PRKN: variants seen among roughly 807,000 people sequenced by gnomAD.
PRKN encodes the protein parkin RBR E3 ubiquitin protein ligase.
A neutral mutation model predicts 59.5 loss-of-function variants in PRKN; 56 were observed. The ratio of observed to expected loss-of-function variants is 0.94; its 90% CI spans 0.76 to 1.18. The LOEUF (loss-of-function observed/expected upper bound fraction) is 1.18, where lower values mean the gene tolerates loss of function less well. Ranked by LOEUF, PRKN falls within the 50% of genes most tolerant of loss-of-function variation. PRKN has a pLI of 0.00. For synonymous variants in PRKN, 250 were observed against 222.1 expected (o/e 1.13, Z -1.12); for missense variants, 657 against 596.4 (o/e 1.10, Z -1.06).
chr6:162,658,147 T>C, intron 1 of PRKN, among the ~76,000 whole-genome samples: 1 of 152,166 alleles, frequency 6.6e-6, no homozygotes, highest in East Asian at 1.9e-4. Flanking sequence ...ATTGCATTGG[T>C]GCCACAGTTT....
At chr6:162,521,295 G>T (rs536925665) in intron 1 of PRKN, among the ~76,000 whole-genome samples, 1 of 152,260 alleles carries the variant, frequency 6.6e-6, no homozygotes, top group East Asian at 1.9e-4. Flanking sequence ...GTAAAGAACT[G>T]CCAACATGAG....
Position 161,459,496 on chromosome 6 carries a change from A to G in PRKN, c.1084-72619T>C, listed in dbSNP as rs1790111926. On this transcript the variant is annotated intron_variant, in intron 9 of 11. Transcript: ENST00000366898. The surrounding 1 kb of genome is among the most constrained non-coding windows in gnomAD (Gnocchi z 4.8). ...GAGTGCAGGGACCTGGTTCTGAGCA[A>G]AGTAGTGGGAAGGATGGAATTCCCT... Among the ~76,000 whole-genome samples the G allele has an allele frequency of 6.6e-6, 1 of 152,148 alleles. No individual in the cohort carries two copies. Among genetic ancestry groups the G allele is most frequent in the African/African-American group, 2.4e-5 (1 of 41,426 alleles).
At chr6:162,380,218 TA>T (rs1786355020) in intron 2 of PRKN, among the ~76,000 whole-genome samples, 2 of 151,896 alleles carry the variant, frequency 1.3e-5, no homozygotes, top group Admixed American at 1.3e-4. Context: ...TTAGGGCAAG[TA>T]AATTTGAAAT....
intron 4 of PRKN, among the ~76,000 whole-genome samples, chr6:162,104,806 T>C (rs920383829): frequency 2.0e-5 from 3 of 152,176 alleles, no homozygotes; most frequent in African/African-American, 7.2e-5. Flanking sequence ...AAGAAAGAGA[T>C]ATTTTTAAAG....
chr6:162,557,812 T>G (rs903286214), intron 1 of PRKN, among the ~76,000 whole-genome samples: 1 of 152,084 alleles, frequency 6.6e-6, no homozygotes, highest in Non-Finnish European at 1.5e-5. Flanking sequence ...GCTCGGCGGA[T>G]GGTGCTGTTA....
intron 9 of PRKN, among the ~76,000 whole-genome samples, chr6:161,505,201 T>C (rs1348776329): frequency 1.3e-5 from 2 of 152,226 alleles, no homozygotes; most frequent in Non-Finnish European, 2.9e-5. Flanking sequence ...TTCCTGACTT[T>C]TTAATGATCG....
At chr6:161,678,710 G>A (rs888459998) in intron 7 of PRKN, among the ~76,000 whole-genome samples, 1 of 151,636 alleles carries the variant, frequency 6.6e-6, no homozygotes, top group Non-Finnish European at 1.5e-5. Flanking sequence ...GGTTACAGGT[G>A]TGCACCACCA....
chr6:161,961,624 C>G (rs1780381865), intron 6 of PRKN, among the ~76,000 whole-genome samples: 1 of 152,164 alleles, frequency 6.6e-6, no homozygotes, highest in Non-Finnish European at 1.5e-5. Context: ...TCCGTCACAC[C>G]TTCACCTGCT....
chr6:162,492,910 G>A (rs906278798), intron 1 of PRKN, among the ~76,000 whole-genome samples: 6 of 142,552 alleles, frequency 4.2e-5, no homozygotes, highest in African/African-American at 7.9e-5. Context: ...CTGAGATCCC[G>A]CCACTGCACT....
At chr6:161,762,749 A>T (rs569636745) in intron 7 of PRKN, among the ~76,000 whole-genome samples, 1 of 152,236 alleles carries the variant, frequency 6.6e-6, no homozygotes, top group Admixed American at 6.5e-5. Flanking sequence ...TAAGTTTTAT[A>T]CTGTTATATT....
At chr6:162,678,409 C>T (rs1779635515) in intron 1 of PRKN, among the ~76,000 whole-genome samples, 1 of 152,194 alleles carries the variant, frequency 6.6e-6, no homozygotes, top group African/African-American at 2.4e-5. Context: ...CTCCATTTTC[C>T]ATTCCCATCT....
intron 1 of PRKN, among the ~76,000 whole-genome samples, chr6:162,645,576 T>C (rs1332389380): frequency 6.6e-6 from 1 of 152,178 alleles, no homozygotes; most frequent in Non-Finnish European, 1.5e-5. Flanking sequence ...GGCATAGTTG[T>C]TTAGCTGTAT....
intron 6 of PRKN, among the ~76,000 whole-genome samples, chr6:161,835,240 A>T (rs1010566890): frequency 1.3e-5 from 2 of 152,154 alleles, no homozygotes; most frequent in Admixed American, 6.5e-5. Flanking sequence ...AACCCACAGG[A>T]TGGGATGCTG....
At chr6:161,677,326 G>A (rs144836845) in intron 7 of PRKN, among the ~76,000 whole-genome samples, 172 of 152,294 alleles carry the variant, frequency 1.1e-3, no homozygotes, top group African/African-American at 3.6e-3. Context: ...GTGGCATTGC[G>A]AGAGATGCAG....
chr6:162,678,364 A>T lies in PRKN; in HGVS notation c.7+49298T>A, dbSNP rs113177195. Among the ~76,000 whole-genome samples, 785 of 152,314 alleles carry T rather than the reference A, an allele frequency of 5.2e-3. 7 individuals carry two copies. Among genetic ancestry groups the T allele is most frequent in the African/African-American group, 0.017 (717 of 41,582 alleles). ...ATAAGGCAGCTGTATATTTCACTAT[A>T]TAAGACACTGCCATACTTTTTCCCA... is the stretch of plus-strand genomic sequence containing the variant. On this transcript the variant is annotated intron_variant, in intron 1 of 11. Transcript: ENST00000366898.
rs1412445717 is a variant in PRKN, at chr6:162,489,180, T to C, written c.8-45707A>G. On this transcript the variant is annotated intron_variant, in intron 1 of 11. Transcript: ENST00000366898. ...AAGAACAACCTAATAATCTATGTAC[T>C]GGTATAAACCTTAAACAAAGTTCAA... is the stretch of plus-strand genomic sequence containing the variant. Among the ~76,000 whole-genome samples the C allele has an allele frequency of 1.6e-4, 24 of 152,156 alleles. 1 individual carries two copies. The highest frequency in any genetic ancestry group is 7.3e-5 in the Non-Finnish European group (5 of 68,028).
chr6:162,253,592 A>G (rs2128097008), intron 3 of PRKN, among the ~76,000 whole-genome samples: 1 of 152,240 alleles, frequency 6.6e-6, no homozygotes, highest in Middle Eastern at 3.4e-3. Context: ...TAAACGCTCA[A>G]TTTGAAGTAT....
At chr6:161,490,410 A>G (rs1583144736) in intron 9 of PRKN, among the ~76,000 whole-genome samples, 2 of 125,808 alleles carry the variant, frequency 1.6e-5, no homozygotes, top group East Asian at 2.2e-4. Context: ...TTTGAGACAG[A>G]GTCTCACTCT....
rs549476689 is a variant in PRKN at position 162,291,666 on chromosome 6, C to A, written c.172-28901G>T. Among the ~76,000 whole-genome samples, 3 of 152,198 alleles carry A rather than the reference C, an allele frequency of 2.0e-5. No individual in the cohort carries two copies. The East Asian group carries it at 5.8e-4, about 29-fold the overall frequency. ...GAGCTAAGCTGACAGGAGAATTTCC[C>A]GTAAAAAGATGAAAGCCCTGGCTTT... On this transcript the variant is annotated intron_variant, in intron 2 of 11. Coordinates refer to ENST00000366898, the MANE Select transcript of PRKN (RefSeq NM_004562.3).
Sources: allele counts gnomAD v4.1 joint callset (sites outside exome capture counted in the v4.1 genomes callset), GRCh38; gene constraint gnomAD v4.1.1; non-coding constraint Gnocchi (gnomAD v3.1); transcripts MANE v1.5; gene names NCBI Gene and HGNC (gene_info 2026-07-23, HGNC 2026-07-21).